AMZ2: variants seen among roughly 807,000 people sequenced by gnomAD.
AMZ2 encodes archaemetzincin-2.
A neutral mutation model predicts 36.7 loss-of-function variants in AMZ2; 26 were observed. The ratio of observed to expected loss-of-function variants is 0.71; its 90% CI spans 0.52 to 0.98. The LOEUF (loss-of-function observed/expected upper bound fraction) is 0.98, where lower values mean the gene tolerates loss of function less well. Among genes scored for constraint, AMZ2 ranks in the 50% least tolerant of loss-of-function variants. AMZ2 has a pLI of 0.00. For missense variants in AMZ2, 394 were observed against 430.5 expected, an observed-to-expected ratio of 0.92 and a Z score of 0.75; for synonymous variants, 144 against 149.1, an observed-to-expected ratio of 0.97 and a Z score of 0.25.
Position 68,257,128 on chromosome 17 carries a change from T to C in AMZ2, c.*159T>C. ...TACCTGAATTGAAATGAAACTCATT[T>C]TGAATAATAAAAACTCTAGAAACTC... On this transcript the variant is annotated 3_prime_UTR_variant, in exon 7 of 7. Transcript: ENST00000359904. The C allele has an allele frequency of 1.5e-6, 1 of 670,706 alleles. No homozygotes were observed. The highest frequency in any genetic ancestry group is 2.4e-6 in the Non-Finnish European group (1 of 425,382). 41.5% of individuals were successfully genotyped at this position (670,706 alleles called of 1,614,324 possible).
Position 68,257,090 on chromosome 17 carries a change from A to C in AMZ2, c.*121A>C. 1 of 1,025,696 alleles carries C rather than the reference A, an allele frequency of 9.7e-7. No individual in the cohort carries two copies. The highest frequency in any genetic ancestry group is 1.4e-6 in the Non-Finnish European group (1 of 722,980). The allele number at this position is 1,025,696 out of a possible 1,614,324, so 63.5% of individuals were successfully genotyped here. A position where few individuals can be genotyped will look rare whatever the true frequency, so the allele number is the denominator to read the frequency against. On this transcript the variant is annotated 3_prime_UTR_variant, in exon 7 of 7. Transcript: ENST00000359904. ...TGCTGTGTCAAAGTAACAGACTAGA[A>C]CCTTCTTTCAAGTACCTGAATTGAA... is the stretch of plus-strand genomic sequence containing the variant.
intron 1 of AMZ2, among the ~76,000 whole-genome samples, chr17:68,218,963 A>G (rs2073273391): frequency 6.6e-6 from 1 of 152,094 alleles, no homozygotes; most frequent in Admixed American, 6.5e-5. Flanking sequence ...AGTGGTCTAT[A>G]TGTAACCCCC....
intron 1 of AMZ2, among the ~76,000 whole-genome samples, chr17:68,218,590 A>G (rs1237718334): frequency 6.6e-6 from 1 of 152,226 alleles, no homozygotes; most frequent in Admixed American, 6.5e-5. Context: ...TTCTAGCTAC[A>G]AGCCACATGT....
intron 1 of AMZ2, among the ~76,000 whole-genome samples, chr17:68,220,322 C>A (rs1174088077): frequency 9.9e-6 from 1 of 101,452 alleles, no homozygotes; most frequent in Non-Finnish European, 1.8e-5. Context: ...AAAGACTATG[C>A]CTCCCCTTGC....
chr17:68,243,701 T>C (rs2073949004), upstream of AMZ2, among the ~76,000 whole-genome samples: 1 of 152,218 alleles, frequency 6.6e-6, no homozygotes, highest in Non-Finnish European at 1.5e-5. Flanking sequence ...GACCTGTTTA[T>C]ACACCGTTCT....
At chr17:68,224,877 C>G (rs781829568) in intron 1 of AMZ2, among the ~76,000 whole-genome samples, 2 of 151,830 alleles carry the variant, frequency 1.3e-5, no homozygotes. Context: ...CAGTTTCCCC[C>G]CAAAGAAACT....
Position 68,250,443 on chromosome 17 carries a change from A to C in AMZ2, c.256A>C (p.Lys86Gln). The C allele has an allele frequency of 6.2e-7, 1 of 1,614,090 alleles. No homozygotes were observed. The highest frequency in any genetic ancestry group is 1.1e-5 in the South Asian group (1 of 91,076). The change falls in exon 2 of 7, where the codon AAA becomes CAA. Residue 86 changes from lysine to glutamine, a missense_variant. Lys to Gln is a moderately conservative substitution (Grantham distance 53). Coordinates refer to ENST00000359904, the MANE Select transcript of AMZ2 (RefSeq NM_016627.5). ...DPYRKTPSPNKRSIYIQSIGS... is the reference protein window; with the variant it reads ...DPYRKTPSPNQRSIYIQSIGS... Reference sequence around the variant, plus strand: ...TTACAGAAAGACACCCTCTCCAAACAAACGCAGCATTTATATACAGTCCAT... The same window carrying C: ...TTACAGAAAGACACCCTCTCCAAACCAACGCAGCATTTATATACAGTCCAT...
intron 1 of AMZ2, chr17:68,207,252 C>G (rs1555724608): frequency 6.6e-6 from 1 of 150,958 alleles, no homozygotes; most frequent in Non-Finnish European, 1.5e-5. Flanking sequence ...ATGGTAACCC[C>G]TCTTCTGTTT....
chr17:68,253,847 GGTTCAA>G (rs1370491620), intron 4 of AMZ2, among the ~76,000 whole-genome samples: 2 of 151,530 alleles, frequency 1.3e-5, no homozygotes, highest in Non-Finnish European at 2.9e-5. Flanking sequence ...CCGCCTCATG[GGTTCAA>G]GCCATTCTCC....
upstream of AMZ2, among the ~76,000 whole-genome samples, chr17:68,245,685 C>CA (rs1158712615): frequency 6.6e-6 from 1 of 151,952 alleles, no homozygotes; most frequent in Non-Finnish European, 1.5e-5. Flanking sequence ...TAATGAATAC[C>CA]AAAAAACTGA....
intron 6 of AMZ2, among the ~76,000 whole-genome samples, chr17:68,256,597 C>T (rs1456459744): frequency 6.6e-6 from 1 of 152,084 alleles, no homozygotes; most frequent in Non-Finnish European, 1.5e-5. Flanking sequence ...TTTTTCAGTG[C>T]GTACTTTTGA....
intron 1 of AMZ2, among the ~76,000 whole-genome samples, chr17:68,227,423 C>T (rs2073543256): frequency 6.6e-6 from 1 of 152,224 alleles, no homozygotes; most frequent in African/African-American, 2.4e-5. Flanking sequence ...TGACTGCTGG[C>T]ATTACCACAA....
chr17:68,251,615 C>T (rs1205287135), intron 4 of AMZ2, among the ~76,000 whole-genome samples: 3 of 151,910 alleles, frequency 2.0e-5, no homozygotes, highest in Admixed American at 6.6e-5. Flanking sequence ...TGCAGTGAGC[C>T]ATGATCGAGC....
upstream of AMZ2, among the ~76,000 whole-genome samples, chr17:68,246,195 CAAAAAAAA>C (rs57477453): frequency 7.3e-4 from 61 of 83,828 alleles, no homozygotes; most frequent in African/African-American, 2.1e-3. Context: ...ACTAAAAATA[CAAAAAAAA>C]AAAAAAAAAA....
intron 1 of AMZ2, among the ~76,000 whole-genome samples, chr17:68,230,936 A>AG (rs1423348553): frequency 6.6e-6 from 1 of 152,238 alleles, no homozygotes; most frequent in African/African-American, 2.4e-5. Flanking sequence ...ATTGAAAACT[A>AG]GGGAAATAAA....
At chr17:68,226,825 G>A (rs1218154627) in intron 1 of AMZ2, among the ~76,000 whole-genome samples, 1 of 151,564 alleles carries the variant, frequency 6.6e-6, no homozygotes. Context: ...TGCTGGGTGG[G>A]GAAATTCTGA....
chr17:68,226,064 C>T lies in AMZ2; in HGVS notation c.-67+19826C>T, dbSNP rs114023157. ...CTGTGGTCTCTGCCTGAAGCTGGCT[C>T]GCCCGGGAGCCCTGCCGGACCCGTA... is the stretch of plus-strand genomic sequence containing the variant. On this transcript the variant is annotated intron_variant, in intron 1 of 7. Coordinates refer to the AMZ2 transcript ENST00000674770. Among the ~76,000 whole-genome samples the T allele has an allele frequency of 4.2e-3, 642 of 152,244 alleles. 4 individuals are homozygous for T. Among genetic ancestry groups the T allele is most frequent in the African/African-American group, 0.015 (604 of 41,522 alleles).
intron 1 of AMZ2, among the ~76,000 whole-genome samples, chr17:68,217,923 C>T (rs545482205): frequency 3.3e-5 from 5 of 151,832 alleles, no homozygotes; most frequent in African/African-American, 9.7e-5. Flanking sequence ...CGCCATTCTC[C>T]TGCCTCAGCC....
intron 1 of AMZ2, among the ~76,000 whole-genome samples, chr17:68,233,006 T>C (rs563609558): frequency 9.2e-5 from 14 of 152,214 alleles, no homozygotes; most frequent in Non-Finnish European, 2.1e-4. Context: ...ACAACAAGCA[T>C]TCATCACTCA....
Sources: allele counts gnomAD v4.1 joint callset (sites outside exome capture counted in the v4.1 genomes callset), GRCh38; gene constraint gnomAD v4.1.1; transcripts MANE v1.5; gene names NCBI Gene and HGNC (gene_info 2026-07-23, HGNC 2026-07-21).